The following KCNIP4 variants were observed in gnomAD, a reference collection of about 807,000 sequenced individuals.
KCNIP4 encodes the protein Kv channel-interacting protein 4.
Under a neutral mutation model 34.0 loss-of-function variants are expected in KCNIP4, and 12 were observed. That is an observed-to-expected ratio of 0.35 (90% CI 0.23 to 0.57). KCNIP4 has a LOEUF of 0.57. Among genes scored for constraint, KCNIP4 ranks in the 20% least tolerant of loss-of-function variants. The pLI is 0.83. For missense variants in KCNIP4, 238 were observed against 311.7 expected (o/e 0.76, Z 1.78); for synonymous variants, 124 against 102.2 (o/e 1.21, Z -1.29).
chr4:20,845,512 CCT>C (rs1450849171), intron 3 of KCNIP4, among the ~76,000 whole-genome samples: 4 of 152,158 alleles, frequency 2.6e-5, no homozygotes, highest in Non-Finnish European at 4.4e-5. Context: ...CTGCTGACTC[CCT>C]TTTTGGACTC....
At chr4:20,999,579 G>T (rs909592379) in intron 1 of KCNIP4, among the ~76,000 whole-genome samples, 11 of 151,844 alleles carry the variant, frequency 7.2e-5, no homozygotes, top group African/African-American at 2.7e-4. Flanking sequence ...TGGGGGAAGA[G>T]GGTGGCTGGT....
At chr4:21,398,465 C>G (rs924555435) in intron 1 of KCNIP4, among the ~76,000 whole-genome samples, 1 of 152,128 alleles carries the variant, frequency 6.6e-6, no homozygotes, top group Non-Finnish European at 1.5e-5. Flanking sequence ...TTGATTATTC[C>G]TCTGAGGGTT....
intron 1 of KCNIP4, among the ~76,000 whole-genome samples, chr4:21,106,614 T>A (rs1228119634): frequency 1.3e-5 from 2 of 151,502 alleles, no homozygotes; most frequent in African/African-American, 4.9e-5. Context: ...CTGCTCTGAT[T>A]TTAGTTATTT....
intron 1 of KCNIP4, among the ~76,000 whole-genome samples, chr4:21,623,915 G>C (rs896518591): frequency 2.6e-5 from 4 of 152,186 alleles, no homozygotes; most frequent in Admixed American, 6.5e-5. Flanking sequence ...TTGAGAAAGA[G>C]TGGAATTTGA....
intron 1 of KCNIP4, among the ~76,000 whole-genome samples, chr4:21,802,559 C>G (rs985961062): frequency 1.3e-5 from 2 of 151,972 alleles, no homozygotes; most frequent in African/African-American, 2.4e-5. Flanking sequence ...ATAATAGAAA[C>G]AGATCTGGGG....
At chr4:21,333,430 GAT>G (rs59692058) in intron 1 of KCNIP4, among the ~76,000 whole-genome samples, 54,341 of 151,568 alleles carry the variant, frequency 0.36, 9,936 homozygotes, top group Middle Eastern at 0.44. Flanking sequence ...TCTGCACACA[GAT>G]ATATATCTAT....
intron 1 of KCNIP4, among the ~76,000 whole-genome samples, chr4:21,709,582 A>C (rs1713555313): frequency 1.3e-5 from 2 of 152,226 alleles, no homozygotes; most frequent in Admixed American, 6.5e-5. Flanking sequence ...CTAGTTTTTA[A>C]GAAAGAGAAG....
Position 20,905,509 on chromosome 4 carries a change from C to CTTTTTT in KCNIP4, c.62-22806_62-22801dup, listed in dbSNP as rs10686415. Among the ~76,000 whole-genome samples the CTTTTTT allele has an allele frequency of 9.1e-4, 66 of 72,776 alleles. 4 individuals carry two copies. The highest frequency in any genetic ancestry group is 2.9e-3 in the East Asian group (6 of 2,100). The allele number at this position is 72,776 out of a possible 152,430, so 47.7% of individuals were successfully genotyped here. On this transcript the variant is annotated intron_variant, in intron 1 of 8. Coordinates refer to ENST00000382152, the MANE Select transcript of KCNIP4 (RefSeq NM_025221.6). ...ACACAGGTAGTTGAACGTTTTCTTT[C>CTTTTTT]TTTTTTTTTTTTTTTTGTTTGAGAT...
At chr4:21,888,406 T>G (rs1726907122) in intron 1 of KCNIP4, among the ~76,000 whole-genome samples, 1 of 152,116 alleles carries the variant, frequency 6.6e-6, no homozygotes, top group Non-Finnish European at 1.5e-5. Flanking sequence ...CTCCCTGTGC[T>G]TAGACTCATA....
chr4:21,214,065 A>G (rs949390740), intron 1 of KCNIP4, among the ~76,000 whole-genome samples: 1 of 152,150 alleles, frequency 6.6e-6, no homozygotes, highest in Admixed American at 6.5e-5. Flanking sequence ...CCTTATGTAA[A>G]ATGGGACTAC....
intron 1 of KCNIP4, among the ~76,000 whole-genome samples, chr4:21,579,697 A>C (rs1423510207): frequency 6.6e-6 from 1 of 152,054 alleles, no homozygotes; most frequent in Non-Finnish European, 1.5e-5. Context: ...GATACTCTCC[A>C]TGTTCTCAGA....
intron 1 of KCNIP4, among the ~76,000 whole-genome samples, chr4:21,822,116 A>C (rs1290183346): frequency 6.6e-6 from 1 of 152,172 alleles, no homozygotes; most frequent in Non-Finnish European, 1.5e-5. Flanking sequence ...ATTCATCAGG[A>C]TTTCTACCTG....
At chr4:20,860,428 G>A (rs976588834) in intron 2 of KCNIP4, among the ~76,000 whole-genome samples, 9 of 152,002 alleles carry the variant, frequency 5.9e-5, no homozygotes, top group African/African-American at 1.4e-4. Context: ...GTGAGTCACC[G>A]CACCCAGTCC....
At chr4:20,882,461 T>A in intron 2 of KCNIP4, 147 bp downstream of exon 2, 1 of 634,596 alleles carries the variant, frequency 1.6e-6, no homozygotes, top group Non-Finnish European at 2.8e-6. Flanking sequence ...CCAAATGTTC[T>A]CCTGGGTATT....
intron 1 of KCNIP4, among the ~76,000 whole-genome samples, chr4:21,336,203 A>C (rs899737832): frequency 6.6e-6 from 1 of 152,066 alleles, no homozygotes; most frequent in Non-Finnish European, 1.5e-5. Flanking sequence ...TATAACATTA[A>C]ATTTTTAATA....
intron 1 of KCNIP4, among the ~76,000 whole-genome samples, chr4:21,652,819 C>T (rs1324718129): frequency 1.3e-5 from 2 of 152,060 alleles, no homozygotes; most frequent in South Asian, 2.1e-4. Flanking sequence ...GTAGAGCCAC[C>T]GTTCAAGTAA....
intron 1 of KCNIP4, among the ~76,000 whole-genome samples, chr4:21,118,812 A>ATGG (rs1029902914): frequency 3.3e-5 from 5 of 152,128 alleles, no homozygotes; most frequent in African/African-American, 1.2e-4. Context: ...GAAAGAGGGA[A>ATGG]TGGCACCTGC....
At chr4:21,861,039 G>A (rs1446054292) in intron 1 of KCNIP4, among the ~76,000 whole-genome samples, 1 of 152,102 alleles carries the variant, frequency 6.6e-6, no homozygotes, top group African/African-American at 2.4e-5. Flanking sequence ...TCAAAAATGG[G>A]GCAGTTGTCA....
At position 20,978,622 on chromosome 4, in the gene KCNIP4, A is replaced by G. The variant is rs147262473; in HGVS notation, c.62-95913T>C. On this transcript the variant is annotated intron_variant, in intron 1 of 8. Coordinates refer to ENST00000382152, the MANE Select transcript of KCNIP4 (RefSeq NM_025221.6). Reference sequence around the variant, plus strand: ...GGATAAGCACCATTCTTATATATCAATCTTATACACTTCTCTTCATCCATA... The same window carrying G: ...GGATAAGCACCATTCTTATATATCAGTCTTATACACTTCTCTTCATCCATA... 7.9e-3 allele frequency among the ~76,000 whole-genome samples: 1,203 copies of G among 152,130 alleles called. 12 individuals carry two copies. Among genetic ancestry groups the G allele is most frequent in the African/African-American group, 0.027 (1,125 of 41,518 alleles).
Sources: gnomAD v4.1 joint callset for allele counts (sites outside exome capture counted in the v4.1 genomes callset) on GRCh38, gnomAD v4.1.1 for gene constraint, MANE v1.5 for transcripts, NCBI Gene and HGNC (gene_info 2026-07-23, HGNC 2026-07-21) for gene names.